The following ZRANB3 variants were observed in gnomAD, a reference collection of about 807,000 sequenced individuals.
ZRANB3 encodes the protein DNA annealing helicase and endonuclease ZRANB3.
A neutral mutation model predicts 133.8 loss-of-function variants in ZRANB3; 125 were observed. The observed-to-expected ratio is 0.93, with a 90% confidence interval of 0.81 to 1.08. The LOEUF is 1.08. ZRANB3 is among the 50% of genes least tolerant of loss of function. The pLI is 0.00. For missense variants in ZRANB3, 1,229 were observed against 1,275.5 expected (o/e 0.96, Z 0.56); for synonymous variants, 387 against 432.7 (o/e 0.89, Z 1.31).
At chr2:135,214,369 A>G (rs1435554336) in intron 17 of ZRANB3, among the ~76,000 whole-genome samples, 3 of 152,008 alleles carry the variant, frequency 2.0e-5, no homozygotes, top group African/African-American at 4.8e-5. Flanking sequence ...TGTTAACACA[A>G]GTTATATCCT....
Position 135,324,949 on chromosome 2 carries a change from TA to T in ZRANB3, c.678-9420del, listed in dbSNP as rs763922025. Among the ~76,000 whole-genome samples the T allele has an allele frequency of 8.1e-4, 123 of 152,324 alleles. 1 individual carries two copies. The highest frequency in any genetic ancestry group is 1.3e-3 in the Non-Finnish European group (88 of 68,036). On this transcript the variant is annotated intron_variant, in intron 6 of 20. Transcript: ENST00000264159. ...GTTGTTTTTTTCTTGTAAATTTGTT[TA>T]AAATGTAATACTTATACCCTGAAAG...
At chr2:135,353,038 C>G (rs1685278398) in intron 4 of ZRANB3, among the ~76,000 whole-genome samples, 1 of 152,030 alleles carries the variant, frequency 6.6e-6, no homozygotes, top group African/African-American at 2.4e-5. Context: ...ACACACAAAA[C>G]TTGCATATTA....
intron 2 of ZRANB3, among the ~76,000 whole-genome samples, chr2:135,448,767 A>G (rs1422378415): frequency 2.6e-5 from 4 of 152,252 alleles, no homozygotes; most frequent in African/African-American, 4.8e-5. Flanking sequence ...AAACTTTGTA[A>G]AGAAGGGGAG....
intron 2 of ZRANB3, among the ~76,000 whole-genome samples, chr2:135,415,886 G>A (rs1456679765): frequency 2.6e-5 from 4 of 151,970 alleles, no homozygotes; most frequent in South Asian, 2.1e-4. Flanking sequence ...ATGCAGAAAA[G>A]GCCTTTGACA....
chr2:135,356,495 A>C (rs1465677280), intron 3 of ZRANB3, among the ~76,000 whole-genome samples: 2 of 152,200 alleles, frequency 1.3e-5, no homozygotes, highest in African/African-American at 4.8e-5. Flanking sequence ...AACTAGCATA[A>C]GTATGGGTAA....
intron 14 of ZRANB3, among the ~76,000 whole-genome samples, chr2:135,227,026 ACT>A (rs1314927198): frequency 6.6e-6 from 1 of 152,182 alleles, no homozygotes; most frequent in East Asian, 1.9e-4. Flanking sequence ...TATGAGTCAG[ACT>A]CTAAATTATA....
At chr2:135,489,902 T>TA (rs1442635468) in intron 2 of ZRANB3, among the ~76,000 whole-genome samples, 1 of 151,950 alleles carries the variant, frequency 6.6e-6, no homozygotes, top group Non-Finnish European at 1.5e-5. Context: ...ATGAAAAAAG[T>TA]AAAAAACTGC....
chr2:135,323,010 CA>C (rs869176974), intron 6 of ZRANB3, among the ~76,000 whole-genome samples: 8 of 140,386 alleles, frequency 5.7e-5, no homozygotes, highest in Admixed American at 3.6e-4. Flanking sequence ...AACTCTGTCT[CA>C]AAAAAAAAAA....
At chr2:135,306,289 T>A in intron 8 of ZRANB3, among the ~76,000 whole-genome samples, 1 of 150,432 alleles carries the variant, frequency 6.6e-6, no homozygotes, top group East Asian at 1.9e-4. Context: ...GACTGATTTT[T>A]TTTTTTTTTT....
chr2:135,486,715 T>C lies in ZRANB3; in HGVS notation c.161+17614A>G, dbSNP rs375291276. On this transcript the variant is annotated intron_variant, in intron 2 of 20. Transcript: ENST00000264159. ...TTTCAGTAGAGATGGGATTTTGCCA[T>C]GTTGACTAGGCTGGTCTCAAACTCC... 3.9e-5 allele frequency among the ~76,000 whole-genome samples: 6 copies of C among 152,296 alleles called. No individual in the cohort carries two copies. The East Asian group carries it at 9.7e-4, about 25-fold the overall frequency.
chr2:135,486,978 A>G (rs1210781949), intron 2 of ZRANB3, among the ~76,000 whole-genome samples: 1 of 152,224 alleles, frequency 6.6e-6, no homozygotes, highest in Non-Finnish European at 1.5e-5. Context: ...TAGTCTGCCC[A>G]GTTCCATCAG....
chr2:135,294,796 G>A (rs958141392), intron 8 of ZRANB3, among the ~76,000 whole-genome samples: 8 of 151,970 alleles, frequency 5.3e-5, no homozygotes, highest in Admixed American at 5.2e-4. Context: ...GGTATGTTGT[G>A]TCTTTGTTCT....
chr2:135,203,005 G>T, intron 19 of ZRANB3, 42 bp from the exon 20 acceptor site: 1 of 1,595,510 alleles, frequency 6.3e-7, no homozygotes, highest in South Asian at 1.1e-5. Flanking sequence ...AACATATACT[G>T]CAAGAAGTGT....
rs116582348 is a variant in ZRANB3 at position 135,480,233 on chromosome 2, C to T, written c.161+24096G>A. On this transcript the variant is annotated intron_variant, in intron 2 of 20. Transcript: ENST00000264159. ...CTGGGATTACAGGCGTGAGCCACAG[C>T]GCTTGGCCTCATACTTTCACTTAAT... is the stretch of plus-strand genomic sequence containing the variant. Among the ~76,000 whole-genome samples, 1,499 of 152,112 alleles carry T rather than the reference C, an allele frequency of 9.9e-3. 23 individuals are homozygous for T. Among genetic ancestry groups the T allele is most frequent in the African/African-American group, 0.034 (1,424 of 41,502 alleles).
rs956038769 is a variant in ZRANB3 at position 135,349,839 on chromosome 2, C to A, written c.591+145G>T. 49 of 624,604 alleles carry A rather than the reference C, an allele frequency of 7.8e-5. No homozygotes were observed. In the East Asian group the frequency reaches 1.3e-3, roughly 17 times the overall value. 38.7% of individuals were successfully genotyped at this position (624,604 alleles called of 1,614,324 possible). On this transcript the variant is annotated intron_variant, in intron 5 of 20. Transcript: ENST00000264159. Reference sequence around the variant, plus strand: ...ATTAAAATAGCCATGATAAAACATACGTACTATCTAGAAATTCCCAATGTA... The same window carrying A: ...ATTAAAATAGCCATGATAAAACATAAGTACTATCTAGAAATTCCCAATGTA...
At chr2:135,291,481 C>A (rs1020228219) in intron 8 of ZRANB3, among the ~76,000 whole-genome samples, 5 of 152,160 alleles carry the variant, frequency 3.3e-5, no homozygotes, top group Non-Finnish European at 5.9e-5. Context: ...CAGCACCTGG[C>A]CATTCTTAAT....
At chr2:135,358,892 T>G (rs1247899727) in intron 3 of ZRANB3, among the ~76,000 whole-genome samples, 1 of 152,056 alleles carries the variant, frequency 6.6e-6, no homozygotes, top group Non-Finnish European at 1.5e-5. Flanking sequence ...ATACAAGCTA[T>G]GCAAGCCCCG....
Position 135,198,270 on chromosome 2 carries a change from C to G in ZRANB3, c.*2072G>C, listed in dbSNP as rs1248236448. On this transcript the variant is annotated 3_prime_UTR_variant, in exon 21 of 21. Coordinates refer to ENST00000264159, the MANE Select transcript of ZRANB3 (RefSeq NM_032143.4). ...ACAGTCCTCAAGATGCCCTTTCGGTCTCGGTTATTAGATCAATCTCTATCT... is the reference window on the plus strand; with the variant it reads ...ACAGTCCTCAAGATGCCCTTTCGGTGTCGGTTATTAGATCAATCTCTATCT... 6.6e-6 allele frequency: 1 copy of G among 152,154 alleles called. No individual in the cohort carries two copies. Among genetic ancestry groups the G allele is most frequent in the Non-Finnish European group, 1.5e-5 (1 of 68,040 alleles). 9.4% of individuals were successfully genotyped at this position (152,154 alleles called of 1,614,324 possible). A position where few individuals can be genotyped will look rare whatever the true frequency, so the allele number is the denominator to read the frequency against.
intron 2 of ZRANB3, among the ~76,000 whole-genome samples, chr2:135,405,476 G>C (rs998685465): frequency 3.3e-5 from 5 of 152,148 alleles, no homozygotes; most frequent in East Asian, 1.9e-4. Context: ...GGACCTAATA[G>C]ACATCTACAG....
Sources: allele counts gnomAD v4.1 joint callset (sites outside exome capture counted in the v4.1 genomes callset), GRCh38; gene constraint gnomAD v4.1.1; transcripts MANE v1.5; gene names NCBI Gene and HGNC (gene_info 2026-07-23, HGNC 2026-07-21).